Variants in FCHSD2 observed in about 807,000 individuals in gnomAD.
FCHSD2 encodes F-BAR and double SH3 domains protein 2.
Under a neutral mutation model 108.1 loss-of-function variants are expected in FCHSD2, and 38 were observed. That is an observed-to-expected ratio of 0.35 (90% CI 0.27 to 0.46). FCHSD2 has a LOEUF of 0.46. Ranked by LOEUF, FCHSD2 falls within the 20% of genes least tolerant of loss-of-function variation. FCHSD2 has a pLI of 1.00. For synonymous variants in FCHSD2, 279 were observed against 314.7 expected (o/e 0.89, Z 1.20); for missense variants, 751 against 897.8 (o/e 0.84, Z 2.09).
In FCHSD2 at chr11:72,983,581, A is replaced by G. The variant is rs535137763; in HGVS notation, c.705+507T>C. On this transcript the variant is annotated intron_variant, in intron 8 of 19. Transcript: ENST00000409418. ...GATACACTATAAAAATATATTTTTA[A>G]TAGAAATATTCTTTTGCATAAAACT... Among the ~76,000 whole-genome samples the G allele has an allele frequency of 7.3e-3, 1,113 of 152,352 alleles. 11 individuals carry two copies. The highest frequency in any genetic ancestry group is 0.012 in the Non-Finnish European group (788 of 68,024).
chr11:73,110,169 C>G (rs1390587617), intron 2 of FCHSD2, among the ~76,000 whole-genome samples: 2 of 150,148 alleles, frequency 1.3e-5, no homozygotes, highest in Non-Finnish European at 3.0e-5. Context: ...TTTGATGTGT[C>G]TTTGGTCTTT....
chr11:73,138,081 A>C (rs988367259), intron 2 of FCHSD2, among the ~76,000 whole-genome samples: 1 of 152,222 alleles, frequency 6.6e-6, no homozygotes, highest in Non-Finnish European at 1.5e-5. Flanking sequence ...AATGTGATGG[A>C]TCAGCAATAA....
intron 4 of FCHSD2, among the ~76,000 whole-genome samples, chr11:73,011,943 CT>C (rs1355185117): frequency 3.3e-5 from 5 of 152,064 alleles, no homozygotes; most frequent in African/African-American, 1.2e-4. Context: ...CGAAGTGCCC[CT>C]AGTCAGCCAC....
intron 5 of FCHSD2, among the ~76,000 whole-genome samples, 178 bp downstream of exon 5, chr11:73,000,812 C>A (rs1857611331): frequency 6.6e-6 from 1 of 152,084 alleles, no homozygotes; most frequent in South Asian, 2.1e-4. Flanking sequence ...TCATTTTTAG[C>A]AGTTAATAAA....
At chr11:73,077,120 GA>G (rs1239579758) in intron 3 of FCHSD2, among the ~76,000 whole-genome samples, 1 of 128,072 alleles carries the variant, frequency 7.8e-6, no homozygotes, top group South Asian at 2.4e-4. Context: ...AAAAGAAAAA[GA>G]AAAAAAAGAA....
chr11:73,136,896 G>A (rs1346572379), intron 2 of FCHSD2, among the ~76,000 whole-genome samples: 1 of 152,100 alleles, frequency 6.6e-6, no homozygotes, highest in African/African-American at 2.4e-5. Flanking sequence ...GCCGGGCGTG[G>A]TGGCAGGTGT....
intron 8 of FCHSD2, among the ~76,000 whole-genome samples, chr11:72,983,038 T>C (rs1046726816): frequency 6.6e-6 from 1 of 152,074 alleles, no homozygotes; most frequent in Admixed American, 6.6e-5. Context: ...CTCATGCCTG[T>C]AATCCCAGCA....
chr11:72,893,737 G>A (rs1343366569), intron 10 of FCHSD2, among the ~76,000 whole-genome samples: 3 of 149,414 alleles, frequency 2.0e-5, no homozygotes, highest in Admixed American at 1.3e-4. Flanking sequence ...TACAGAGGGA[G>A]ACTCTGTCTC....
chr11:72,888,979 C>CAA (rs1338944889), intron 11 of FCHSD2, among the ~76,000 whole-genome samples: 2 of 150,710 alleles, frequency 1.3e-5, no homozygotes, highest in African/African-American at 2.4e-5. Flanking sequence ...TTTATTGAGA[C>CAA]AGAGTCTCGC....
chr11:73,021,966 T>C (rs547010245), intron 3 of FCHSD2, among the ~76,000 whole-genome samples: 9 of 151,746 alleles, frequency 5.9e-5, no homozygotes, highest in African/African-American at 2.2e-4. Flanking sequence ...TAGCTACTTT[T>C]GTGTATGGCA....
At chr11:72,848,735 T>G (rs1336589771) in intron 14 of FCHSD2, among the ~76,000 whole-genome samples, 1 of 152,236 alleles carries the variant, frequency 6.6e-6, no homozygotes, top group Non-Finnish European at 1.5e-5. Context: ...GAATGTGAAC[T>G]GTTTAAAATC....
In FCHSD2 at chr11:72,838,678, T is replaced by C. The variant is rs1860807558; in HGVS notation, c.*113A>G. On this transcript the variant is annotated 3_prime_UTR_variant, in exon 20 of 20. Coordinates refer to ENST00000409418, the MANE Select transcript of FCHSD2 (RefSeq NM_014824.3). ...CCACCCAGTCACACATAATCCTCCT[T>C]GTTTTTTGCTCTGTTCAAGAGTCAT... 2.4e-6 allele frequency: 2 copies of C among 833,880 alleles called. No individual in the cohort carries two copies. The highest frequency in any genetic ancestry group is 3.9e-6 in the Non-Finnish European group (2 of 508,872). The allele number at this position is 833,880 out of a possible 1,614,324, so 51.7% of individuals were successfully genotyped here.
chr11:72,969,166 T>C (rs1192182631), intron 8 of FCHSD2, among the ~76,000 whole-genome samples: 1 of 152,216 alleles, frequency 6.6e-6, no homozygotes, highest in East Asian at 1.9e-4. Flanking sequence ...AACTGTCCAG[T>C]GTAGCCATGT....
At chr11:72,875,530 A>G (rs1466054298) in intron 12 of FCHSD2, among the ~76,000 whole-genome samples, 1 of 152,124 alleles carries the variant, frequency 6.6e-6, no homozygotes, top group Non-Finnish European at 1.5e-5. Flanking sequence ...GGGTCTTGCT[A>G]TGCTGCCTGG....
At chr11:72,849,128 C>T (rs1325201034) in intron 14 of FCHSD2, among the ~76,000 whole-genome samples, 1 of 152,156 alleles carries the variant, frequency 6.6e-6, no homozygotes, top group Non-Finnish European at 1.5e-5. Flanking sequence ...TCTCCAGGAC[C>T]TTCCCTTCTG....
At position 72,918,581 on chromosome 11, in the gene FCHSD2, G is replaced by C. The variant is rs147460968; in HGVS notation, c.828+3247C>G. On this transcript the variant is annotated intron_variant, in intron 9 of 19. Transcript: ENST00000409418. Reference sequence around the variant, plus strand: ...TGAGTGTTTATCACAAAAAAGTACTGAATTTTGTCAAATCTTTTTCTGTGT... The same window carrying C: ...TGAGTGTTTATCACAAAAAAGTACTCAATTTTGTCAAATCTTTTTCTGTGT... Among the ~76,000 whole-genome samples, 3 of 152,190 alleles carry C rather than the reference G, an allele frequency of 2.0e-5. No individual in the cohort carries two copies. The East Asian group carries it at 5.8e-4, about 29-fold the overall frequency.
At chr11:72,998,827 T>TG (rs1857568683) in intron 5 of FCHSD2, among the ~76,000 whole-genome samples, 1 of 152,198 alleles carries the variant, frequency 6.6e-6, no homozygotes, top group Non-Finnish European at 1.5e-5. Context: ...TAACAGATGT[T>TG]GGCAAGGCTG....
In FCHSD2 at chr11:72,902,558, A is replaced by C. The variant is rs1855547507; in HGVS notation, c.909T>G (p.Pro303=). The change falls in exon 10 of 20, where the codon CCT becomes CCG. Residue 303 remains proline, a synonymous_variant. Transcript: ENST00000409418. ...FHKPQPFQFQ[P]CDSDTSRQLE... ...ATTCCCTTACAGTATCACTGTCACA[A>C]GGCTGGAACTGGAAGGGCTGGGGTT... is the stretch of plus-strand genomic sequence containing the variant. The C allele has an allele frequency of 1.3e-6, 2 of 1,582,910 alleles. No individual in the cohort carries two copies. Among genetic ancestry groups the C allele is most frequent in the Middle Eastern group, 1.7e-4 (1 of 6,028 alleles).
intron 3 of FCHSD2, among the ~76,000 whole-genome samples, chr11:73,048,753 T>C (rs1858824582): frequency 6.6e-6 from 1 of 152,186 alleles, no homozygotes; most frequent in Admixed American, 6.5e-5. Context: ...TGACCAAGTC[T>C]AAAATCAGTA....
Sources: gnomAD v4.1 joint callset for allele counts (sites outside exome capture counted in the v4.1 genomes callset) on GRCh38, gnomAD v4.1.1 for gene constraint, MANE v1.5 for transcripts, NCBI Gene and HGNC (gene_info 2026-07-23, HGNC 2026-07-21) for gene names.